DDX60: variants seen among roughly 807,000 people sequenced by gnomAD.
DDX60 encodes the protein probable ATP-dependent RNA helicase DDX60.
DDX60 carries 165 observed loss-of-function variants against 212.8 expected under a neutral mutation model. That is an observed-to-expected ratio of 0.78 (90% CI 0.68 to 0.88). DDX60 has a LOEUF of 0.88. Ranked by LOEUF, DDX60 falls within the 40% of genes least tolerant of loss-of-function variation. The pLI, the probability that DDX60 is intolerant of heterozygous loss-of-function variation, is 0.00. For missense variants in DDX60, 1,905 were observed against 2,003.9 expected (o/e 0.95, Z 0.94); for synonymous variants, 703 against 685.3 (o/e 1.03, Z -0.40).
chr4:168,273,552 T>A (rs1026320163), intron 17 of DDX60, among the ~76,000 whole-genome samples, 154 bp from the exon 18 acceptor site: 10 of 152,222 alleles, frequency 6.6e-5, no homozygotes, highest in Non-Finnish European at 1.5e-5. Flanking sequence ...CACTAACATA[T>A]TCTCTTTGAG....
In DDX60 at chr4:168,280,497, A is replaced by C. The variant is rs143109820; in HGVS notation, c.1816T>G (p.Phe606Val). The stretch of plus-strand genomic sequence containing the variant: ...TCTTTCAATTGCTCTTCAATAGAAA[A>C]TGACAAAGCATTCCACTTTTGCTCT... ...KEEQKWNALS[F>V]SIEEQLKENL... The change falls in exon 14 of 38, where the codon TTT becomes GTT. Residue 606 changes from phenylalanine (F) to valine (V), a missense_variant. Coordinates refer to ENST00000393743, the MANE Select transcript of DDX60 (RefSeq NM_017631.6). 2.4e-4 allele frequency: 382 copies of C among 1,614,166 alleles called. No individual in the cohort carries two copies. Among genetic ancestry groups the C allele is most frequent in the Non-Finnish European group, 3.1e-4 (365 of 1,180,008 alleles).
intron 1 of DDX60, among the ~76,000 whole-genome samples, chr4:168,312,415 C>T (rs1737174470): frequency 1.3e-5 from 2 of 151,972 alleles, no homozygotes; most frequent in Non-Finnish European, 2.9e-5. Flanking sequence ...GTAAATGAGG[C>T]CATTGGTGTA....
At chr4:168,260,474 C>A (rs764526407) in intron 25 of DDX60, among the ~76,000 whole-genome samples, 19 of 152,160 alleles carry the variant, frequency 1.2e-4, no homozygotes, top group Non-Finnish European at 2.8e-4. Flanking sequence ...AAGCAGCAGT[C>A]CCCAACCTTT....
chr4:168,278,552 C>A (rs1483089612), intron 14 of DDX60, among the ~76,000 whole-genome samples: 1 of 152,206 alleles, frequency 6.6e-6, no homozygotes, highest in Non-Finnish European at 1.5e-5. Context: ...GGGCCGGGCT[C>A]AGTGGCTCAC....
rs1470135825 is a variant in DDX60 at position 168,288,283 on chromosome 4, A to C, written c.1074T>G (p.Asn358Lys). Residue 358 changes from asparagine (N) to lysine (K), a missense_variant, in exon 9 of 38, where the codon AAT becomes AAG. Transcript: ENST00000393743. ...GATTCCAAAATTCAAAAGTATGTAT[A>C]TTTCTTAAGATGAAATATTCACACC... ...KKWCEYFILR[N>K]IHTFEFWNLN... The C allele has an allele frequency of 1.3e-6, 2 of 1,487,630 alleles. No homozygotes were observed. Among genetic ancestry groups the C allele is most frequent in the South Asian group, 2.4e-5 (2 of 82,092 alleles). 92.2% of individuals were successfully genotyped at this position (1,487,630 alleles called of 1,614,324 possible).
chr4:168,281,842 A>C (rs748649900), intron 13 of DDX60, among the ~76,000 whole-genome samples: 8 of 152,184 alleles, frequency 5.3e-5, no homozygotes, highest in Non-Finnish European at 1.2e-4. Context: ...GAGTTTTCCC[A>C]GTGTTTAGTC....
chr4:168,272,858 G>A (rs988288605), intron 18 of DDX60, among the ~76,000 whole-genome samples: 33 of 152,112 alleles, frequency 2.2e-4, no homozygotes, highest in South Asian at 2.1e-4. Context: ...GTTCATAAGG[G>A]TGAAAACTGT....
At chr4:168,295,910 G>C (rs904558579) in intron 6 of DDX60, among the ~76,000 whole-genome samples, 1 of 152,110 alleles carries the variant, frequency 6.6e-6, no homozygotes, top group Admixed American at 6.5e-5. Flanking sequence ...CCAAGACAAA[G>C]AGACAAATAC....
intron 10 of DDX60, among the ~76,000 whole-genome samples, chr4:168,286,568 G>A (rs982073491): frequency 5.3e-5 from 8 of 152,096 alleles, no homozygotes; most frequent in Admixed American, 4.6e-4. Context: ...GATCCTCCTA[G>A]TGCTCCCTGT....
At chr4:168,305,044 T>C (rs1220909687) in intron 5 of DDX60, among the ~76,000 whole-genome samples, 2 of 152,186 alleles carry the variant, frequency 1.3e-5, no homozygotes, top group African/African-American at 4.8e-5. Flanking sequence ...CATTTTCAAA[T>C]GTACCTTTTC....
chr4:168,321,664 T>A (rs1304483019), upstream of DDX60, among the ~76,000 whole-genome samples: 2 of 152,016 alleles, frequency 1.3e-5, no homozygotes, highest in African/African-American at 4.8e-5. Flanking sequence ...TCACACAGAG[T>A]TTAAGCAGAA....
At position 168,237,429 on chromosome 4, in the gene DDX60, T is replaced by A; in HGVS notation, c.4270-2A>T. 1 of 1,552,274 alleles carries A rather than the reference T, an allele frequency of 6.4e-7. No individual in the cohort carries two copies. Among genetic ancestry groups the A allele is most frequent in the Non-Finnish European group, 8.7e-7 (1 of 1,155,876 alleles). ...ATTACCTTCTTGATCTAAATAGCCC[T>A]AAAGAACAAAAAACAATTTATTAGT... On this transcript the variant is annotated splice_acceptor_variant, in intron 31 of 37. Coordinates refer to ENST00000393743, the MANE Select transcript of DDX60 (RefSeq NM_017631.6). LOFTEE classifies it high-confidence loss of function.
intron 6 of DDX60, among the ~76,000 whole-genome samples, chr4:168,295,065 A>G (rs956863372): frequency 1.3e-5 from 2 of 152,202 alleles, no homozygotes; most frequent in Non-Finnish European, 2.9e-5. Flanking sequence ...GCTTTTATCA[A>G]AAAGATGAAA....
chr4:168,316,833 A>T (rs937208755), intron 1 of DDX60, among the ~76,000 whole-genome samples: 2 of 151,870 alleles, frequency 1.3e-5, no homozygotes, highest in South Asian at 4.1e-4. Flanking sequence ...CAAGGCGGGC[A>T]GATCACCTGA....
In DDX60 at chr4:168,273,335, C is replaced by T. The variant is rs1735184371; in HGVS notation, c.2518G>A (p.Glu840Lys). 10 of 1,613,944 alleles carry T rather than the reference C, an allele frequency of 6.2e-6. No individual in the cohort carries two copies. The highest frequency in any genetic ancestry group is 8.5e-6 in the Non-Finnish European group (10 of 1,179,906). Residue 840 changes from glutamate to lysine, a missense_variant, in exon 18 of 38, where the codon GAA becomes AAA. Transcript: ENST00000393743. ...NRFTKNLPSGEVLCGVFTREY... is the reference protein window; with the variant it reads ...NRFTKNLPSGKVLCGVFTREY... ...CTGGTGAAAACACCACAGAGAACTT[C>T]ACCACTTGGCAGATTTTTCGTAAAA...
chr4:168,302,417 C>T lies in DDX60; in HGVS notation c.607-1G>A. On this transcript the variant is annotated splice_acceptor_variant, in intron 5 of 37. Coordinates refer to ENST00000393743, the MANE Select transcript of DDX60 (RefSeq NM_017631.6). LOFTEE classifies it high-confidence loss of function. Reference sequence around the variant, plus strand: ...AAGCATCTTTAATGTTCTGCTTATTCTGTAAAATAAAGAAAAATCAGAAAA... The same window carrying T: ...AAGCATCTTTAATGTTCTGCTTATTTTGTAAAATAAAGAAAAATCAGAAAA... 1 of 1,387,048 alleles carries T rather than the reference C, an allele frequency of 7.2e-7. No individual in the cohort carries two copies. 85.9% of individuals were successfully genotyped at this position (1,387,048 alleles called of 1,614,324 possible).
rs1162311558 is a variant in DDX60 at position 168,237,447 on chromosome 4, T to G, written c.4270-20A>C. 2.6e-6 allele frequency: 4 copies of G among 1,542,232 alleles called. No homozygotes were observed. ...ATAGCCCTAAAGAACAAAAAACAAT[T>G]TATTAGTTTGACTCAAGTCACCACA... On this transcript the variant is annotated intron_variant, in intron 31 of 37. Coordinates refer to ENST00000393743, the MANE Select transcript of DDX60 (RefSeq NM_017631.6).
At chr4:168,270,578 A>C (rs904416119) in intron 19 of DDX60, among the ~76,000 whole-genome samples, 4 of 152,248 alleles carry the variant, frequency 2.6e-5, no homozygotes, top group Admixed American at 6.5e-5. Context: ...ATCAGATTTT[A>C]ATTCAAAGTT....
At chr4:168,273,190 C>T in intron 18 of DDX60, 89 bp downstream of exon 18, 2 of 1,248,760 alleles carry the variant, frequency 1.6e-6, no homozygotes, top group East Asian at 2.5e-5. Context: ...TTTTCACAAG[C>T]CTTGTGAAGA....
Sources: gnomAD v4.1 joint callset for allele counts (sites outside exome capture counted in the v4.1 genomes callset) on GRCh38, gnomAD v4.1.1 for gene constraint, MANE v1.5 for transcripts, NCBI Gene and HGNC (gene_info 2026-07-23, HGNC 2026-07-21) for gene names.